Variants in ZNF34 observed in about 807,000 individuals in gnomAD.
The protein encoded by ZNF34 is zinc finger protein 34.
Under a neutral mutation model 14.4 loss-of-function variants are expected in ZNF34, and 8 were observed. The observed-to-expected ratio is 0.55, with a 90% CI of 0.33 to 1.00. The LOEUF is 1.00. Among genes scored for constraint, ZNF34 ranks in the 50% least tolerant of loss-of-function variants. The pLI, the probability that ZNF34 is intolerant of heterozygous loss-of-function variation, is 0.03. For synonymous variants in ZNF34, 235 were observed against 247.9 expected, an observed-to-expected ratio of 0.95 and a Z score of 0.49; for missense variants, 538 against 674.2, an observed-to-expected ratio of 0.80 and a Z score of 2.24.
intron 1 of ZNF34, 37 bp from the exon 2 acceptor site, chr8:144,780,317 T>G: frequency 6.9e-7 from 1 of 1,458,782 alleles, no homozygotes. Flanking sequence ...AAGTATTAGT[T>G]AATATTAGAT....
chr8:144,780,217 G>A lies in ZNF34; in HGVS notation c.-55+11C>T, dbSNP rs1418534524. 1.9e-6 allele frequency: 3 copies of A among 1,544,044 alleles called. No homozygotes were observed. Among genetic ancestry groups the A allele is most frequent in the Non-Finnish European group, 2.6e-6 (3 of 1,141,100 alleles). On this transcript the variant is annotated intron_variant, in intron 2 of 5. Coordinates refer to ENST00000429371, the MANE Select transcript of ZNF34 (RefSeq NM_001286769.2). The stretch of plus-strand genomic sequence containing the variant: ...GTCTCAAAATAAATAAGTAAAATAA[G>A]ATTGACTCACCTACCAGAAGCATGA...
intron 1 of ZNF34, among the ~76,000 whole-genome samples, chr8:144,785,991 T>G (rs1238079059): frequency 2.7e-5 from 4 of 146,752 alleles, no homozygotes; most frequent in African/African-American, 5.1e-5. Context: ...TTTTTTTTTT[T>G]TTTTTTTTTT....
chr8:144,775,465 C>A (rs551544196), intron 5 of ZNF34, among the ~76,000 whole-genome samples: 5 of 152,302 alleles, frequency 3.3e-5, no homozygotes, highest in East Asian at 1.9e-4. Context: ...CAAACCTGGA[C>A]AACTGAATGT....
rs1398588123 is a variant in ZNF34 at position 144,772,476 on chromosome 8, T to C, written c.*790A>G. On this transcript the variant is annotated 3_prime_UTR_variant, in exon 6 of 6. Coordinates refer to ENST00000429371, the MANE Select transcript of ZNF34 (RefSeq NM_001286769.2). ...GGTTAAAATTGTAAATTTCATATTA[T>C]GTTATTTCACCACAGTTAAAGGCAA... Among the ~76,000 whole-genome samples the C allele has an allele frequency of 6.6e-6, 1 of 152,260 alleles. No individual in the cohort carries two copies.
chr8:144,782,193 G>T (rs1446775329), intron 1 of ZNF34, among the ~76,000 whole-genome samples: 1 of 152,070 alleles, frequency 6.6e-6, no homozygotes, highest in Non-Finnish European at 1.5e-5. Context: ...ATGGTGGTGG[G>T]CACCTGTAAT....
chr8:144,773,977 C>G lies in ZNF34; in HGVS notation c.909G>C (p.Lys303Asn), dbSNP rs1825331438. 12 of 1,613,984 alleles carry G rather than the reference C, an allele frequency of 7.4e-6. No homozygotes were observed. Among genetic ancestry groups the G allele is most frequent in the Non-Finnish European group, 8.5e-6 (10 of 1,180,032 alleles). The change falls in exon 6 of 6, where the codon AAG (lysine) becomes AAC (asparagine). Residue 303 changes from lysine to asparagine, a missense_variant. Physicochemically the swap from Lys to Asn is moderately conservative, Grantham distance 94 (BLOSUM62 0). This residue lies in a region of ZNF34 where 431 missense variants were observed against 525.7 expected (regional missense o/e 0.82). Coordinates refer to ENST00000429371, the MANE Select transcript of ZNF34 (RefSeq NM_001286769.2). The surrounding 1 kb of genome is among the most constrained non-coding windows in gnomAD (Gnocchi z 5.4). ...TCTCCCCAGTGTGAATCCTCTGGTGCTTCATGAGGTTGGGCCTCCGGGTGA... is the reference window on the plus strand; with the variant it reads ...TCTCCCCAGTGTGAATCCTCTGGTGGTTCATGAGGTTGGGCCTCCGGGTGA... Reference protein sequence around the residue: ...KTFTRRPNLMKHQRIHTGEKP... With the variant: ...KTFTRRPNLMNHQRIHTGEKP...
intron 2 of ZNF34, among the ~76,000 whole-genome samples, chr8:144,778,895 G>A (rs1253565494): frequency 6.6e-6 from 1 of 152,116 alleles, no homozygotes; most frequent in South Asian, 2.1e-4. Context: ...ACCACTGTTG[G>A]TGGAAGAGCT....
intron 1 of ZNF34, among the ~76,000 whole-genome samples, chr8:144,782,032 C>T (rs1246835257): frequency 6.7e-6 from 1 of 150,060 alleles, no homozygotes; most frequent in African/African-American, 2.5e-5. Flanking sequence ...CTAAAAAATA[C>T]ACAACTTGGG....
chr8:144,776,287 G>A (rs7824854), intron 5 of ZNF34, among the ~76,000 whole-genome samples: 10,775 of 149,812 alleles, frequency 0.072, 1,332 homozygotes, highest in African/African-American at 0.25. Flanking sequence ...CCTCCAGCCT[G>A]GGCAACAGAG....
chr8:144,778,528 G>A lies in ZNF34; in HGVS notation c.-54-3C>T. 1.3e-6 allele frequency: 2 copies of A among 1,563,984 alleles called. No homozygotes were observed. The highest frequency in any genetic ancestry group is 1.7e-6 in the Non-Finnish European group (2 of 1,155,316). ...AGCAGGAGCTGGTCACTGAGGAGCT[G>A]AGGGAAGAGAACGCAACAAGTGGAG... On this transcript the variant is annotated splice_polypyrimidine_tract_variant and splice_region_variant and intron_variant, in intron 2 of 5. Coordinates refer to ENST00000429371, the MANE Select transcript of ZNF34 (RefSeq NM_001286769.2).
rs560016888 is a variant in ZNF34, at chr8:144,773,347, G to A, written c.1539C>T (p.Ser513=). The change falls in exon 6 of 6, where the codon AGC becomes AGT. Residue 513 remains serine (S), a synonymous_variant. Transcript: ENST00000429371. The surrounding 1 kb of genome is among the most constrained non-coding windows in gnomAD (Gnocchi z 5.4). ...IHTGEKPYKC[S]ECGKAFRHSS... ...TGTGCCGGAAGGCCTTCCCACACTC[G>A]CTGCACTTGTAGGGCTTCTCCCCGG... 1.9e-5 allele frequency: 31 copies of A among 1,614,074 alleles called. No individual in the cohort carries two copies. The highest frequency in any genetic ancestry group is 1.6e-4 in the Middle Eastern group (1 of 6,062).
Position 144,777,338 on chromosome 8 carries a change from C to T in ZNF34, c.280+120G>A. The T allele has an allele frequency of 7.4e-7, 1 of 1,357,040 alleles. No individual in the cohort carries two copies. The highest frequency in any genetic ancestry group is 9.8e-7 in the Non-Finnish European group (1 of 1,016,510). The allele number at this position is 1,357,040 out of a possible 1,614,324, so 84.1% of individuals were successfully genotyped here. On this transcript the variant is annotated intron_variant, in intron 5 of 5. Transcript: ENST00000429371. This position sits in a 1 kb window ranked among gnomAD's most constrained non-coding sequence, Gnocchi z 4.8. ...GGCTTCAGCAAAGGCCACTGTCAGG[C>T]CTCCTGTGCTAGCCCCGATGAATCT...
intron 1 of ZNF34, among the ~76,000 whole-genome samples, chr8:144,781,134 CAAATAAATAAAT>C (rs143853733): frequency 8.5e-5 from 12 of 140,404 alleles, no homozygotes; most frequent in African/African-American, 2.9e-4. Context: ...GACTCCATCT[CAAATAAATAAAT>C]AAATAAATAA....
In ZNF34 at chr8:144,780,299, GA is replaced by G; in HGVS notation, c.-107-20del. On this transcript the variant is annotated intron_variant, in intron 1 of 5. Transcript: ENST00000429371. ...ATTTGGCCTAAAATAAAATAACACA[GA>G]AAGGCTAAGTATTAGTTAATATTAG... 6.5e-7 allele frequency: 1 copy of G among 1,538,516 alleles called. No individual in the cohort carries two copies. Among genetic ancestry groups the G allele is most frequent in the Non-Finnish European group, 8.8e-7 (1 of 1,135,388 alleles).
Position 144,777,332 on chromosome 8 carries a change from G to T in ZNF34, c.280+126C>A. 1 of 1,323,328 alleles carries T rather than the reference G, an allele frequency of 7.6e-7. No homozygotes were observed. Among genetic ancestry groups the T allele is most frequent in the Non-Finnish European group, 1.0e-6 (1 of 988,134 alleles). The allele number at this position is 1,323,328 out of a possible 1,614,324, so 82.0% of individuals were successfully genotyped here. A position where few individuals can be genotyped will look rare whatever the true frequency, so the allele number is the denominator to read the frequency against. ...CACCTGGGCTTCAGCAAAGGCCACT[G>T]TCAGGCCTCCTGTGCTAGCCCCGAT... is the stretch of plus-strand genomic sequence containing the variant. On this transcript the variant is annotated intron_variant, in intron 5 of 5. Transcript: ENST00000429371. The surrounding 1 kb of genome is among the most constrained non-coding windows in gnomAD (Gnocchi z 4.8).
intron 1 of ZNF34, among the ~76,000 whole-genome samples, chr8:144,786,640 A>T (rs1327029966): frequency 2.0e-5 from 3 of 151,588 alleles, no homozygotes; most frequent in African/African-American, 7.3e-5. Flanking sequence ...TCTCAGAAAA[A>T]GAGAGAGAGA....
intron 1 of ZNF34, among the ~76,000 whole-genome samples, chr8:144,781,758 A>G (rs904691036): frequency 6.6e-6 from 1 of 152,264 alleles, no homozygotes; most frequent in African/African-American, 2.4e-5. Flanking sequence ...TTAGAAATAT[A>G]TGAAAAGTAA....
intron 1 of ZNF34, among the ~76,000 whole-genome samples, chr8:144,784,343 TGAA>T (rs746611205): frequency 1.3e-5 from 2 of 149,960 alleles, no homozygotes; most frequent in Non-Finnish European, 2.9e-5. Flanking sequence ...TTAATGGCAA[TGAA>T]GAAGGACAAT....
chr8:144,778,369 C>T, intron 3 of ZNF34, 70 bp downstream of exon 3: 1 of 1,427,538 alleles, frequency 7.0e-7, no homozygotes, highest in Non-Finnish European at 9.4e-7. Context: ...AAACCAGAGA[C>T]ACCTGGCAGT....
Sources: allele counts gnomAD v4.1 joint callset (sites outside exome capture counted in the v4.1 genomes callset), GRCh38; gene constraint gnomAD v4.1.1; regional missense constraint gnomAD v4.1.1; non-coding constraint Gnocchi (gnomAD v3.1); transcripts MANE v1.5; gene names NCBI Gene and HGNC (gene_info 2026-07-23, HGNC 2026-07-21).